Variants in TRANK1 observed in about 807,000 individuals in gnomAD.
The protein encoded by TRANK1 is tetratricopeptide repeat and ankyrin repeat containing 1, also known as TPR and ankyrin repeat-containing protein 1.
In TRANK1, 198 loss-of-function variants were observed where a neutral mutation model predicts 266.0. That is an observed-to-expected ratio of 0.74 (90% CI 0.66 to 0.84). The LOEUF (loss-of-function observed/expected upper bound fraction) is 0.84. TRANK1 is among the 40% of genes least tolerant of loss of function. The pLI, the probability that TRANK1 is intolerant of heterozygous loss-of-function variation, is 0.00. For synonymous variants in TRANK1, 1,396 were observed against 1,384.1 expected (o/e 1.01, Z -0.19); for missense variants, 3,326 against 3,634.6 (o/e 0.92, Z 2.18).
chr3:36,897,673 T>C (rs1295265826), intron 4 of TRANK1, among the ~76,000 whole-genome samples: 1 of 152,192 alleles, frequency 6.6e-6, no homozygotes, highest in Non-Finnish European at 1.5e-5. Flanking sequence ...AATTCTAACA[T>C]GTGCCATTTT....
At position 36,827,991 on chromosome 3, in the gene TRANK1, G is replaced by T. The variant is rs73068016; in HGVS notation, c.*284C>A. ...CCAGACACCCCAGGGACCATGCAGT[G>T]AGGAGTCCCAACATTCCCTTCGACT... is the stretch of plus-strand genomic sequence containing the variant. On this transcript the variant is annotated 3_prime_UTR_variant, in exon 24 of 24. Coordinates refer to ENST00000645898, the MANE Select transcript of TRANK1 (RefSeq NM_001329998.2). 2.1e-4 allele frequency: 78 copies of T among 368,410 alleles called. No homozygotes were observed. Among genetic ancestry groups the T allele is most frequent in the Non-Finnish European group, 3.5e-4 (68 of 195,746 alleles). 22.8% of individuals were successfully genotyped at this position (368,410 alleles called of 1,614,324 possible). A position where few individuals can be genotyped will look rare whatever the true frequency, so the allele number is the denominator to read the frequency against.
intron 1 of TRANK1, among the ~76,000 whole-genome samples, chr3:36,924,567 C>A (rs1232311419): frequency 6.6e-6 from 1 of 152,132 alleles, no homozygotes; most frequent in Non-Finnish European, 1.5e-5. Context: ...AAGAAATCAT[C>A]AAATTAACTT....
Position 36,874,133 on chromosome 3 carries a change from G to A in TRANK1, c.1071C>T (p.Asp357=), listed in dbSNP as rs376891105. 14 of 1,536,822 alleles carry A rather than the reference G, an allele frequency of 9.1e-6. No homozygotes were observed. The highest frequency in any genetic ancestry group is 1.2e-5 in the Non-Finnish European group (14 of 1,146,642). The change falls in exon 9 of 24, where the codon GAC becomes GAT. Residue 357 remains aspartate (D), a synonymous_variant. Coordinates refer to ENST00000645898, the MANE Select transcript of TRANK1 (RefSeq NM_001329998.2). Reference sequence around the variant, plus strand: ...ATACACTGGAAGCTGTACCTGATAGGTCCTTAGAACACGTAGCTAGCTTTT... The same window carrying A: ...ATACACTGGAAGCTGTACCTGATAGATCCTTAGAACACGTAGCTAGCTTTT... ...HLEKLATCSK[D]LSGFSNGDGP... is the part of the protein sequence containing the mutation.
Position 36,856,268 on chromosome 3 carries a change from T to C in TRANK1, c.3454A>G (p.Ser1152Gly). Residue 1152 changes from serine (S) to glycine (G), a missense_variant, in exon 13 of 24, where the codon AGC becomes GGC. By Grantham distance (56) the Ser-to-Gly change is moderately conservative. Coordinates refer to ENST00000645898, the MANE Select transcript of TRANK1 (RefSeq NM_001329998.2). ...EDSIEVETVE[S>G]IDEQEYEACA... ...GCTTCATACTCCTGCTCATCTATGC[T>C]TTCTACTGTTTCCACTTCAATAGAA... The C allele has an allele frequency of 6.2e-7, 1 of 1,605,276 alleles. No homozygotes were observed. Among genetic ancestry groups the C allele is most frequent in the Non-Finnish European group, 8.5e-7 (1 of 1,175,356 alleles).
intron 13 of TRANK1, among the ~76,000 whole-genome samples, chr3:36,852,775 TAAAAAAA>T (rs761417309): frequency 5.0e-5 from 6 of 120,206 alleles, no homozygotes; most frequent in African/African-American, 9.7e-5. Context: ...CCATCTCAAT[TAAAAAAA>T]AAAAAAAAAA....
At chr3:36,888,032 G>A (rs2079632471) in intron 8 of TRANK1, among the ~76,000 whole-genome samples, 1 of 152,036 alleles carries the variant, frequency 6.6e-6, no homozygotes, top group Non-Finnish European at 1.5e-5. Context: ...GAAAACAAAT[G>A]CCCTGTACAC....
chr3:36,930,694 C>A (rs1384523842), intron 1 of TRANK1, among the ~76,000 whole-genome samples: 3 of 151,988 alleles, frequency 2.0e-5, no homozygotes, highest in Non-Finnish European at 2.9e-5. Flanking sequence ...AGAAGCCAGA[C>A]AAAAGAACAT....
rs555954797 is a variant in TRANK1, at chr3:36,858,901, G to A, written c.1496-7C>T. The A allele has an allele frequency of 3.9e-6, 6 of 1,530,900 alleles. No individual in the cohort carries two copies. The South Asian group carries it at 7.2e-5, about 18-fold the overall frequency. The allele number at this position is 1,530,900 out of a possible 1,614,324, so 94.8% of individuals were successfully genotyped here. On this transcript the variant is annotated splice_polypyrimidine_tract_variant and splice_region_variant and intron_variant, in intron 11 of 23. Coordinates refer to ENST00000645898, the MANE Select transcript of TRANK1 (RefSeq NM_001329998.2). ...TGAAGACCATCAGGCAAGGCTGGGA[G>A]AGGAGAGAAGGGAAGCGCAATGTGA...
At chr3:36,845,675 T>A (rs2078904725) in intron 17 of TRANK1, among the ~76,000 whole-genome samples, 2 of 152,228 alleles carry the variant, frequency 1.3e-5, no homozygotes, top group South Asian at 4.1e-4. Context: ...CTTGAACATC[T>A]TTCCTTAGCA....
chr3:36,918,394 T>C (rs770766896), intron 1 of TRANK1, among the ~76,000 whole-genome samples: 3 of 151,412 alleles, frequency 2.0e-5, no homozygotes, highest in East Asian at 1.9e-4. Flanking sequence ...TGGCAAACTA[T>C]GTTTTGTGTT....
intron 1 of TRANK1, among the ~76,000 whole-genome samples, chr3:36,939,571 T>C (rs557646425): frequency 2.6e-5 from 4 of 152,182 alleles, no homozygotes; most frequent in African/African-American, 4.8e-5. Flanking sequence ...TCAGTTTCCT[T>C]ACTGGAAAAC....
chr3:36,844,740 A>G (rs1241522947), intron 17 of TRANK1, among the ~76,000 whole-genome samples: 1 of 152,170 alleles, frequency 6.6e-6, no homozygotes, highest in East Asian at 1.9e-4. Context: ...GACTTTTCCC[A>G]TCACAATAGT....
chr3:36,914,004 G>A (rs562035600), intron 1 of TRANK1, among the ~76,000 whole-genome samples: 16 of 152,254 alleles, frequency 1.1e-4, no homozygotes, highest in Middle Eastern at 3.4e-3. Flanking sequence ...GCCAGTTGAC[G>A]AGACCAGCTC....
chr3:36,928,462 A>G (rs776547809), intron 1 of TRANK1, among the ~76,000 whole-genome samples: 1 of 152,206 alleles, frequency 6.6e-6, no homozygotes, highest in Non-Finnish European at 1.5e-5. Flanking sequence ...ACTTCAAAAG[A>G]TGCTTTTCAT....
intron 1 of TRANK1, among the ~76,000 whole-genome samples, chr3:36,928,794 C>A (rs181638551): frequency 6.6e-6 from 1 of 151,922 alleles, no homozygotes; most frequent in African/African-American, 2.4e-5. Context: ...CAAAACTTTA[C>A]TTAAAAAAAA....
chr3:36,904,406 G>C (rs1373083846), intron 2 of TRANK1, among the ~76,000 whole-genome samples: 1 of 151,878 alleles, frequency 6.6e-6, no homozygotes, highest in Non-Finnish European at 1.5e-5. Context: ...TGTAGTCCCA[G>C]CTACATGGCA....
rs928937195 is a variant in TRANK1 at position 36,864,407 on chromosome 3, A to C, written c.1152T>G (p.Tyr384Ter). 1 of 1,536,978 alleles carries C rather than the reference A, an allele frequency of 6.5e-7. No individual in the cohort carries two copies. Among genetic ancestry groups the C allele is most frequent in the African/African-American group, 1.4e-5 (1 of 73,040 alleles). Residue 384 changes from tyrosine to a stop codon, truncating the protein, a stop_gained, in exon 10 of 24, where the codon TAT becomes TAG. Coordinates refer to ENST00000645898, the MANE Select transcript of TRANK1 (RefSeq NM_001329998.2). LOFTEE classifies it high-confidence loss of function. ...FRKVLEQLVK[Y>*]MNSGNRLLHK... ...GCAATAACCGGTTTCCTGAGTTCAT[A>C]TACTTCACCAGCTGCTCCAAGACCT...
rs2078730606 is a variant in TRANK1, at chr3:36,833,735, C to T, written c.5848G>A (p.Ala1950Thr). ...LVFLKSRKRLAEAADLLNREG... is the reference protein window; with the variant it reads ...LVFLKSRKRLTEAADLLNREG... ...CTGTTCAGCAGGTCTGCAGCTTCTG[C>T]TAAGCGTTTCCGAGACTTCAAGAAC... Residue 1950 changes from alanine to threonine, a missense_variant, in exon 22 of 24, where the codon GCA (alanine) becomes ACA (threonine). Physicochemically the swap from Ala to Thr is moderately conservative, Grantham distance 58. Coordinates refer to ENST00000645898, the MANE Select transcript of TRANK1 (RefSeq NM_001329998.2). 1 of 1,613,918 alleles carries T rather than the reference C, an allele frequency of 6.2e-7. No individual in the cohort carries two copies. The highest frequency in any genetic ancestry group is 1.7e-5 in the Admixed American group (1 of 60,012).
Position 36,856,183 on chromosome 3 carries a change from G to A in TRANK1, c.3539C>T (p.Ala1180Val), listed in dbSNP as rs371134979. The A allele has an allele frequency of 1.9e-6, 3 of 1,613,924 alleles. No individual in the cohort carries two copies. Among genetic ancestry groups the A allele is most frequent in the East Asian group, 2.2e-5 (1 of 44,862 alleles). ...CTCCAGCTGGTGGGGATGTTCTGGT[G>A]CACATACTTCTGCAGCTTGGCCGTC... ...AGDGQAAEVC[A>V]PEHPHQLEHL... The change falls in exon 13 of 24, where the codon GCA (alanine) becomes GTA (valine). Residue 1180 changes from alanine (A) to valine (V), a missense_variant. Coordinates refer to ENST00000645898, the MANE Select transcript of TRANK1 (RefSeq NM_001329998.2).
Sources: allele counts gnomAD v4.1 joint callset (sites outside exome capture counted in the v4.1 genomes callset), GRCh38; gene constraint gnomAD v4.1.1; transcripts MANE v1.5; gene names NCBI Gene and HGNC (gene_info 2026-07-23, HGNC 2026-07-21).